PLEC: variants seen among roughly 807,000 people sequenced by gnomAD.
The protein encoded by PLEC is plectin.
A neutral mutation model predicts 392.8 loss-of-function variants in PLEC; 216 were observed. The ratio of observed to expected loss-of-function variants is 0.55; its 90% confidence interval spans 0.49 to 0.62. PLEC has a LOEUF of 0.62. Among genes scored for constraint, PLEC ranks in the 20% least tolerant of loss-of-function variants. The probability of loss-of-function intolerance (pLI) is 0.00; values close to 1 mark genes in which losing one functional copy is unlikely to be tolerated. For synonymous variants in PLEC, 3,621 were observed against 2,980.6 expected (o/e 1.21, Z -7.00); for missense variants, 6,863 against 6,563.4 (o/e 1.05, Z -1.58).
Position 143,917,594 on chromosome 8 carries a change from A to C in PLEC, c.12227T>G (p.Met4076Arg). 1 of 1,613,746 alleles carries C rather than the reference A, an allele frequency of 6.2e-7. No homozygotes were observed. Among genetic ancestry groups the C allele is most frequent in the Admixed American group, 1.7e-5 (1 of 60,020 alleles). The change falls in exon 32 of 32, where the codon ATG (methionine) becomes AGG (arginine). Residue 4076 changes from methionine to arginine, a missense_variant. Coordinates refer to ENST00000345136, the MANE Select transcript of PLEC (RefSeq NM_201384.3). ...CGAGGGGTCGGTCAGGATCTCGTTCATCTCCTCATCGAAGAGGCCGCGCTT... is the reference window on the plus strand; with the variant it reads ...CGAGGGGTCGGTCAGGATCTCGTTCCTCTCCTCATCGAAGAGGCCGCGCTT... ...AYKRGLFDEEMNEILTDPSDD... is the reference protein window; with the variant it reads ...AYKRGLFDEERNEILTDPSDD...
At chr8:143,932,103 G>T (rs1243893974) in intron 17 of PLEC, 27 bp downstream of exon 17, 3 of 1,587,572 alleles carry the variant, frequency 1.9e-6, no homozygotes, top group Admixed American at 1.7e-5. Context: ...CCCCCCCGCA[G>T]CCCCGCCCCT....
At chr8:143,961,449 C>T (rs782641167) in intron 1 of PLEC, among the ~76,000 whole-genome samples, 1 of 152,216 alleles carries the variant, frequency 6.6e-6, no homozygotes, top group Non-Finnish European at 1.5e-5. Flanking sequence ...TGGTCTCGTA[C>T]TCCTGACCTC....
At position 143,919,102 on chromosome 8, in the gene PLEC, G is replaced by A. The variant is rs782356658; in HGVS notation, c.10719C>T (p.Asp3573=). ...TRRAFEETQI[D]IPGGGSHGGS... ...CGCCGTGGCTGCCGCCGCCGGGAAT[G>A]TCGATCTGTGTCTCTTCAAATGCCC... Residue 3573 remains aspartate (D), a synonymous_variant, in exon 32 of 32, where the codon GAC becomes GAT. Transcript: ENST00000345136. 1.3e-5 allele frequency: 21 copies of A among 1,612,474 alleles called. No individual in the cohort carries two copies. The highest frequency in any genetic ancestry group is 1.6e-5 in the Non-Finnish European group (19 of 1,180,020).
At chr8:143,957,917 C>T (rs1225725058), upstream of PLEC, among the ~76,000 whole-genome samples, 5 of 152,182 alleles carry the variant, frequency 3.3e-5, no homozygotes, top group African/African-American at 7.2e-5. Context: ...AGGCGACCTG[C>T]GACAGGCAGA....
In PLEC at chr8:143,932,647, G is replaced by A. The variant is rs374078214; in HGVS notation, c.1803C>T (p.Tyr601=). The part of the protein sequence containing the change: ...RDCLGRLDLQ[Y]AKLLNSSKAR... ...TGCCCCCACTCACCAGCAGCTTGGC[G>A]TACTGCAGGTCCAGCCGACCCAGGC... The change falls in exon 15 of 32, where the codon TAC becomes TAT. Residue 601 remains tyrosine (Y), a synonymous_variant. Coordinates refer to ENST00000345136, the MANE Select transcript of PLEC (RefSeq NM_201384.3). 3.8e-5 allele frequency: 62 copies of A among 1,610,814 alleles called. 1 individual carries two copies. Among genetic ancestry groups the A allele is most frequent in the Middle Eastern group, 3.3e-4 (2 of 6,070 alleles).
Position 143,920,194 on chromosome 8 carries a change from C to T in PLEC, c.9627G>A (p.Leu3209=). Reference sequence around the variant, plus strand: ...GAGCAGCCTTTTCTGAGAGCGGCAGCAGGCTCAGCCCGGTCAGCTGGTCGG... The same window carrying T: ...GAGCAGCCTTTTCTGAGAGCGGCAGTAGGCTCAGCCCGGTCAGCTGGTCGG... ...CRPDQLTGLS[L]LPLSEKAARA... is the part of the protein sequence containing the mutation. The change falls in exon 32 of 32, where the codon CTG becomes CTA. Residue 3209 remains leucine (L), a synonymous_variant. Transcript: ENST00000345136. The T allele has an allele frequency of 6.2e-7, 1 of 1,610,640 alleles. No homozygotes were observed. Among genetic ancestry groups the T allele is most frequent in the South Asian group, 1.1e-5 (1 of 91,042 alleles).
rs1182392073 is a variant in PLEC, at chr8:143,969,712, C to T, written c.70+3691G>A. ...TGGGGGTCAGGGCATGAGTGCAGGC[C>T]GGGGAGTGGGGAGTGGGGCCAGCCG... On this transcript the variant is annotated intron_variant, in intron 1 of 31. Transcript: ENST00000356346. The surrounding 1 kb of genome is among the most constrained non-coding windows in gnomAD (Gnocchi z 5.1). Among the ~76,000 whole-genome samples the T allele has an allele frequency of 4.6e-5, 7 of 151,218 alleles. No homozygotes were observed. Among genetic ancestry groups the T allele is most frequent in the South Asian group, 2.1e-4 (1 of 4,772 alleles).
rs782656796 is a variant in PLEC, at chr8:143,950,469, C to A, written c.238G>T (p.Ala80Ser). 3 of 1,606,178 alleles carry A rather than the reference C, an allele frequency of 1.9e-6. No individual in the cohort carries two copies. The South Asian group carries it at 3.4e-5, about 18-fold the overall frequency. Reference sequence around the variant, plus strand: ...AGGTGCAGGTACTGGCGGAGGTGGGCGATGCCTTCATTGGTGAGGTACCAG... The same window carrying A: ...AGGTGCAGGTACTGGCGGAGGTGGGAGATGCCTTCATTGGTGAGGTACCAG... The change falls in exon 1 of 32, where the codon GCC (alanine) becomes TCC (serine). Residue 80 changes from alanine (A) to serine (S), a missense_variant. Physicochemically the swap from Ala to Ser is moderately conservative, Grantham distance 99 (BLOSUM62 1). Coordinates refer to the PLEC transcript ENST00000322810.
At chr8:143,935,174 G>A in intron 7 of PLEC, 24 bp downstream of exon 7, 1 of 1,611,470 alleles carries the variant, frequency 6.2e-7, no homozygotes, top group African/African-American at 1.3e-5. Context: ...GGAAGGGACA[G>A]GGAGGAAGGC....
Position 143,925,898 on chromosome 8 carries a change from A to G in PLEC, c.4045-14T>C. On this transcript the variant is annotated splice_polypyrimidine_tract_variant and intron_variant, in intron 30 of 31. Coordinates refer to ENST00000345136, the MANE Select transcript of PLEC (RefSeq NM_201384.3). ...CTCAGCCAGCCTCTGTGGCCACAGCAGAGAGAAGAAGAGAAGCAGAGAGAG... is the reference window on the plus strand; with the variant it reads ...CTCAGCCAGCCTCTGTGGCCACAGCGGAGAGAAGAAGAGAAGCAGAGAGAG... 2 of 1,537,268 alleles carry G rather than the reference A, an allele frequency of 1.3e-6. No homozygotes were observed. The highest frequency in any genetic ancestry group is 1.7e-6 in the Non-Finnish European group (2 of 1,147,542).
chr8:143,929,057 C>A lies in PLEC; in HGVS notation c.3260+46G>T, dbSNP rs372230345. 1,477 of 1,512,702 alleles carry A rather than the reference C, an allele frequency of 9.8e-4. 6 individuals carry two copies. The African/African-American group carries it at 0.017, about 17-fold the overall frequency. 93.7% of individuals were successfully genotyped at this position (1,512,702 alleles called of 1,614,324 possible). The stretch of plus-strand genomic sequence containing the variant: ...CAAGGTCACAGCCCTCACCCCAGCA[C>A]CCCCCAGCCGACCCCAGCCCCTCGC... On this transcript the variant is annotated intron_variant, in intron 25 of 31. Transcript: ENST00000345136.
intron 30 of PLEC, 46 bp downstream of exon 30, chr8:143,926,738 T>C: frequency 6.8e-7 from 1 of 1,466,884 alleles, no homozygotes; most frequent in Non-Finnish European, 9.5e-7. Context: ...ACACAACAGG[T>C]GGTGAGATGG....
chr8:143,921,227 A>G lies in PLEC; in HGVS notation c.8594T>C (p.Leu2865Pro), dbSNP rs782566509. ...DPNTHENLTY[L>P]QLLERCVEDP... ...CTCCACGCAGCGCTCCAGTAGCTGC[A>G]GGTACGTGAGGTTCTCGTGCGTGTT... Residue 2865 changes from leucine (L) to proline (P), a missense_variant, in exon 32 of 32, where the codon CTG becomes CCG. Transcript: ENST00000345136. 4 of 1,613,998 alleles carry G rather than the reference A, an allele frequency of 2.5e-6. No homozygotes were observed. Among genetic ancestry groups the G allele is most frequent in the African/African-American group, 2.7e-5 (2 of 74,942 alleles).
At chr8:143,930,635 G>A in intron 19 of PLEC, 99 bp from the exon 20 acceptor site, 1 of 1,295,826 alleles carries the variant, frequency 7.7e-7, no homozygotes, top group Non-Finnish European at 1.1e-6. Context: ...GGGCCCTCCT[G>A]ATGCTCCCGG....
Position 143,938,162 on chromosome 8 carries a change from C to T in PLEC, c.253G>A (p.Gly85Arg). Reference sequence around the variant, plus strand: ...AGGGGCACACGTACCAGGCTGTCCCCCGAGAGGACCTCCAGCAGGGAGATG... The same window carrying T: ...AGGGGCACACGTACCAGGCTGTCCCTCGAGAGGACCTCCAGCAGGGAGATG... Reference protein sequence around the residue: ...NLISLLEVLSGDSLPREKGRM... With the variant: ...NLISLLEVLSRDSLPREKGRM... The change falls in exon 3 of 32, where the codon GGG becomes AGG. Residue 85 changes from glycine to arginine, a missense_variant. Coordinates refer to ENST00000345136, the MANE Select transcript of PLEC (RefSeq NM_201384.3). 1 of 1,606,182 alleles carries T rather than the reference C, an allele frequency of 6.2e-7. No homozygotes were observed. The highest frequency in any genetic ancestry group is 1.1e-5 in the South Asian group (1 of 90,576).
rs62642465 is a variant in PLEC, at chr8:143,918,222, C to G, written c.11599G>C (p.Asp3867His). The G allele has an allele frequency of 6.5e-3, 10,202 of 1,575,940 alleles. 595 individuals carry two copies. In the African/African-American group the frequency reaches 0.12, roughly 19 times the overall value. ...YTQLLRRCRR[D>H]DGTGQLLLPL... The stretch of plus-strand genomic sequence containing the variant: ...AGGAGCAGCTGGCCGGTGCCGTCGT[C>G]ACGACGGCACCGCCTGAGCAGCTGC... Residue 3867 changes from aspartate (D) to histidine (H), a missense_variant, in exon 32 of 32, where the codon GAC becomes CAC. Transcript: ENST00000345136.
chr8:143,925,689 G>A lies in PLEC; in HGVS notation c.4240C>T (p.Gln1414Ter). The change falls in exon 31 of 32, where the codon CAG (glutamine) becomes TAG (stop). Residue 1414 changes from glutamine (Q) to a stop codon, truncating the protein, a stop_gained. Coordinates refer to ENST00000345136, the MANE Select transcript of PLEC (RefSeq NM_201384.3). LOFTEE classifies it high-confidence loss of function. ...AGCTCCTCCTGAATGCTGCGCTTCT[G>A]CTGCTGCGCGTCCACCGCCGCCTCC... ...REEAAVDAQQ[Q>*]KRSIQEELQQ... 2 of 1,591,906 alleles carry A rather than the reference G, an allele frequency of 1.3e-6. No homozygotes were observed. The highest frequency in any genetic ancestry group is 8.5e-7 in the Non-Finnish European group (1 of 1,176,480).
intron 1 of PLEC, chr8:143,946,294 A>T: frequency 8.2e-7 from 1 of 1,220,338 alleles, no homozygotes; most frequent in Non-Finnish European, 1.1e-6. Context: ...GGTCTGCCAG[A>T]GGCGGCCCCG....
upstream of PLEC, chr8:143,943,719 G>A (rs138660645): frequency 0.034 from 50,771 of 1,489,052 alleles, 1,055 homozygotes; most frequent in Non-Finnish European, 0.041. Flanking sequence ...ATGAAGGGGC[G>A]GGAGGCAGGC....
Sources: gnomAD v4.1 joint callset for allele counts (sites outside exome capture counted in the v4.1 genomes callset) on GRCh38, gnomAD v4.1.1 for gene constraint, Gnocchi (gnomAD v3.1) non-coding constraint, MANE v1.5 for transcripts, NCBI Gene and HGNC (gene_info 2026-07-23, HGNC 2026-07-21) for gene names.